Variants in PPP2R2B observed in about 807,000 individuals in gnomAD.
PPP2R2B encodes serine/threonine-protein phosphatase 2A 55 kDa regulatory subunit B beta isoform.
Under a neutral mutation model 46.0 loss-of-function variants are expected in PPP2R2B, and 5 were observed. The observed-to-expected ratio is 0.11, with a 90% CI of 0.06 to 0.23. The LOEUF (loss-of-function observed/expected upper bound fraction) is 0.23, where lower values mean the gene tolerates loss of function less well. PPP2R2B is among the 10% of genes least tolerant of loss of function. The pLI, the probability that PPP2R2B is intolerant of heterozygous loss-of-function variation, is 1.00. For synonymous variants in PPP2R2B, 215 were observed against 206.7 expected (o/e 1.04, Z -0.34); for missense variants, 367 against 575.0 (o/e 0.64, Z 3.70).
At chr5:146,899,295 TA>T (rs1227215945) in intron 1 of PPP2R2B, among the ~76,000 whole-genome samples, 2 of 148,048 alleles carry the variant, frequency 1.4e-5, no homozygotes, top group Non-Finnish European at 3.0e-5. Flanking sequence ...TATGCAGCCA[TA>T]AAAAATGATG....
chr5:147,028,850 C>T (rs564020156), intron 1 of PPP2R2B, among the ~76,000 whole-genome samples: 3 of 152,266 alleles, frequency 2.0e-5, no homozygotes, highest in South Asian at 2.1e-4. Context: ...TATTTTTAGT[C>T]CTTTTAATTC....
At chr5:146,802,710 T>C (rs532210778) in intron 2 of PPP2R2B, among the ~76,000 whole-genome samples, 6 of 152,250 alleles carry the variant, frequency 3.9e-5, no homozygotes, top group African/African-American at 1.2e-4. Context: ...GGTAAACAGT[T>C]TTTCCTCAGC....
chr5:146,824,451 G>A (rs1758449672), intron 2 of PPP2R2B, among the ~76,000 whole-genome samples: 1 of 152,082 alleles, frequency 6.6e-6, no homozygotes, highest in Admixed American at 6.5e-5. Flanking sequence ...GGCTCCCTAG[G>A]GTACCTTCAA....
intron 1 of PPP2R2B, among the ~76,000 whole-genome samples, chr5:146,900,851 C>A (rs599812): frequency 0.48 from 71,535 of 149,858 alleles, 18,852 homozygotes; most frequent in East Asian, 0.7. Flanking sequence ...TGTGTTTATG[C>A]GTTCATTTCA....
chr5:146,660,220 G>A (rs1776591589), intron 5 of PPP2R2B, among the ~76,000 whole-genome samples: 1 of 152,124 alleles, frequency 6.6e-6, no homozygotes, highest in Non-Finnish European at 1.5e-5. Context: ...AATAGAGTAT[G>A]TACAATGACT....
intron 1 of PPP2R2B, among the ~76,000 whole-genome samples, chr5:146,930,318 G>A (rs1434434106): frequency 6.6e-6 from 1 of 152,218 alleles, no homozygotes; most frequent in Non-Finnish European, 1.5e-5. Context: ...AGCTTGGCTT[G>A]CTCAGGATTA....
At chr5:146,869,096 A>G (rs961374144) in intron 2 of PPP2R2B, among the ~76,000 whole-genome samples, 2 of 152,176 alleles carry the variant, frequency 1.3e-5, no homozygotes, top group African/African-American at 2.4e-5. Context: ...CAAATCCACA[A>G]TGGTTTTGGA....
Position 146,923,923 on chromosome 5 carries a change from C to T in PPP2R2B, c.79+131742G>A, listed in dbSNP as rs960073277. ...GAAGAAATGGTAGTTTGTTCCTTTG[C>T]AGGGACATAGATGGACCTGGAGGCC... On this transcript the variant is annotated intron_variant, in intron 1 of 8. Transcript: ENST00000336640. Among the ~76,000 whole-genome samples the T allele has an allele frequency of 7.9e-5, 12 of 152,146 alleles. No individual in the cohort carries two copies. In the South Asian group the frequency reaches 2.5e-3, roughly 31 times the overall value.
chr5:146,878,435 T>A lies in PPP2R2B; in HGVS notation c.-125+156A>T. ...CCCCGGAGGCGCTCACAAGCGGGTC[T>A]GGGGAGATGCCCAACAGGTTCCCCT... On this transcript the variant is annotated intron_variant, in intron 1 of 9. Coordinates refer to ENST00000394411, the MANE Select transcript of PPP2R2B (RefSeq NM_181675.4). The surrounding 1 kb of genome is among the most constrained non-coding windows in gnomAD (Gnocchi z 4.5). 7.4e-7 allele frequency: 1 copy of A among 1,343,310 alleles called. No homozygotes were observed. 83.2% of individuals were successfully genotyped at this position (1,343,310 alleles called of 1,614,324 possible). A position where few individuals can be genotyped will look rare whatever the true frequency, so the allele number is the denominator to read the frequency against.
rs370615054 is a variant in PPP2R2B at position 146,885,971 on chromosome 5, TA to T, written c.79+169693del. 2.3e-3 allele frequency among the ~76,000 whole-genome samples: 335 copies of T among 142,574 alleles called. 2 individuals are homozygous for T. The highest frequency in any genetic ancestry group is 0.018 in the East Asian group (91 of 5,024). The allele number at this position is 142,574 out of a possible 152,430, so 93.5% of individuals were successfully genotyped here. A position where few individuals can be genotyped will look rare whatever the true frequency, so the allele number is the denominator to read the frequency against. On this transcript the variant is annotated intron_variant, in intron 1 of 8. Coordinates refer to the PPP2R2B transcript ENST00000336640. ...ATTAGTGGTTGCCAGGGACTGAGGA[TA>T]AAAAAAAAAGGGGTGGGAATGACTG...
At chr5:146,945,139 A>G (rs375080630) in intron 1 of PPP2R2B, among the ~76,000 whole-genome samples, 1 of 152,174 alleles carries the variant, frequency 6.6e-6, no homozygotes, top group East Asian at 1.9e-4. Flanking sequence ...CCTGATGAAT[A>G]CCTGCTTTGT....
rs1387259710 is a variant in PPP2R2B at position 146,582,165 on chromosome 5, G to A, written c.*7782C>T. The A allele has an allele frequency of 6.6e-6, 1 of 152,152 alleles. No homozygotes were observed. Among genetic ancestry groups the A allele is most frequent in the African/African-American group, 2.4e-5 (1 of 41,422 alleles). The allele number at this position is 152,152 out of a possible 1,614,324, so 9.4% of individuals were successfully genotyped here. On this transcript the variant is annotated 3_prime_UTR_variant, in exon 10 of 10. Coordinates refer to ENST00000394411, the MANE Select transcript of PPP2R2B (RefSeq NM_181675.4). ...GCTCAGCTCTGAAAGATTTCTTTGG[G>A]GGTCTTGCCTTTCCCTAAGAACATC...
chr5:147,009,862 CAT>C (rs1358040938), intron 1 of PPP2R2B, among the ~76,000 whole-genome samples: 25 of 135,824 alleles, frequency 1.8e-4, no homozygotes, highest in African/African-American at 6.8e-4. Context: ...TACACACACA[CAT>C]ACACACACAC....
At chr5:146,821,532 C>T (rs1758261245) in intron 2 of PPP2R2B, among the ~76,000 whole-genome samples, 1 of 152,106 alleles carries the variant, frequency 6.6e-6, no homozygotes, top group Non-Finnish European at 1.5e-5. Flanking sequence ...CCCTGGAGTC[C>T]TAAAAAGCAG....
At chr5:147,068,665 G>A (rs578236059) in intron 2 of PPP2R2B, among the ~76,000 whole-genome samples, 1 of 152,276 alleles carries the variant, frequency 6.6e-6, no homozygotes, top group East Asian at 1.9e-4. Flanking sequence ...ATGAGAAGCT[G>A]CGCTTTACAT....
At position 146,648,717 on chromosome 5, in the gene PPP2R2B, C is replaced by T. The variant is rs113591361; in HGVS notation, c.625+1830G>A. On this transcript the variant is annotated intron_variant, in intron 6 of 9. Transcript: ENST00000394411. ...ACTTAAGAGTTAATGGGAAAGAGTA[C>T]CTCTGGGGCCTGAAGTGACATGTAA... is the stretch of plus-strand genomic sequence containing the variant. Among the ~76,000 whole-genome samples, 806 of 152,092 alleles carry T rather than the reference C, an allele frequency of 5.3e-3. 10 individuals are homozygous for T. The highest frequency in any genetic ancestry group is 6.0e-3 in the Non-Finnish European group (410 of 67,970).
chr5:146,806,338 C>G (rs940244475), intron 2 of PPP2R2B, among the ~76,000 whole-genome samples: 1 of 152,140 alleles, frequency 6.6e-6, no homozygotes, highest in African/African-American at 2.4e-5. Flanking sequence ...GCTTCATTTC[C>G]ACCTTTCCTA....
intron 5 of PPP2R2B, among the ~76,000 whole-genome samples, chr5:146,657,564 C>A (rs1336175528): frequency 6.6e-6 from 1 of 152,108 alleles, no homozygotes; most frequent in Non-Finnish European, 1.5e-5. Context: ...AAAATCAGAT[C>A]TCAGGAGTAC....
chr5:147,049,106 G>GTA (rs1756675823), intron 1 of PPP2R2B, among the ~76,000 whole-genome samples: 2 of 125,908 alleles, frequency 1.6e-5, no homozygotes, highest in African/African-American at 5.0e-5. Flanking sequence ...GAGCATGTGT[G>GTA]TGTGTGTGTG....
Sources: allele counts gnomAD v4.1 joint callset (sites outside exome capture counted in the v4.1 genomes callset), GRCh38; gene constraint gnomAD v4.1.1; non-coding constraint Gnocchi (gnomAD v3.1); transcripts MANE v1.5; gene names NCBI Gene and HGNC (gene_info 2026-07-23, HGNC 2026-07-21).